The following CCNA2 variants were observed in gnomAD, a reference collection of about 807,000 sequenced individuals.
The protein encoded by CCNA2 is cyclin A2.
In CCNA2, 3 loss-of-function variants were observed where a neutral mutation model predicts 49.4. The observed-to-expected ratio is 0.06, with a 90% CI of 0.03 to 0.16. The LOEUF is 0.16. CCNA2 is among the 10% of genes least tolerant of loss of function. The pLI is 1.00. For synonymous variants in CCNA2, 206 were observed against 197.2 expected, an observed-to-expected ratio of 1.04 and a Z score of -0.37; for missense variants, 372 against 519.7, an observed-to-expected ratio of 0.72 and a Z score of 2.76.
At position 121,817,686 on chromosome 4, in the gene CCNA2, C is replaced by T. The variant is rs758353782; in HGVS notation, c.1251G>A (p.Lys417=). The part of the protein sequence containing the change: ...QSIREKYKNS[K]YHGVSLLNPP... The stretch of plus-strand genomic sequence containing the variant: ...GGTTGAGGAGAGAAACACCATGATA[C>T]CTGTAAGTAGGGAAAAAAAAAGCAT... The change falls in exon 8 of 8, where the codon AAG becomes AAA. Residue 417 remains lysine (K), a splice_region_variant and synonymous_variant. Transcript: ENST00000274026. The T allele has an allele frequency of 6.2e-7, 1 of 1,613,464 alleles. No individual in the cohort carries two copies. The highest frequency in any genetic ancestry group is 1.7e-5 in the Admixed American group (1 of 59,960).
At chr4:121,823,260 A>G (rs1724740491) in intron 1 of CCNA2, among the ~76,000 whole-genome samples, 156 bp downstream of exon 1, 10 of 152,168 alleles carry the variant, frequency 6.6e-5, no homozygotes, top group Admixed American at 6.5e-4. Flanking sequence ...GAGAACTCCT[A>G]CTGTGGCAAA....
In CCNA2 at chr4:121,816,981, T is replaced by C; in HGVS notation, c.*657A>G. The C allele has an allele frequency of 9.9e-7, 1 of 1,005,392 alleles. No individual in the cohort carries two copies. 62.3% of individuals were successfully genotyped at this position (1,005,392 alleles called of 1,614,324 possible). A position where few individuals can be genotyped will look rare whatever the true frequency, so the allele number is the denominator to read the frequency against. ...CTAGCAGGATTTTAAAAATAGTTTT[T>C]TGTTTTTAATGTGCTTTAAAATAAT... On this transcript the variant is annotated 3_prime_UTR_variant, in exon 8 of 8. Transcript: ENST00000274026.
Position 121,817,615 on chromosome 4 carries a change from A to C in CCNA2, c.*23T>G. 1 of 1,613,712 alleles carries C rather than the reference A, an allele frequency of 6.2e-7. No individual in the cohort carries two copies. On this transcript the variant is annotated 3_prime_UTR_variant, in exon 8 of 8. Transcript: ENST00000274026. ...ATACTTTGAGTGATTTACATCTTAG[A>C]AAACAAAGGCAGTCTTTCATTGTTA...
Position 121,820,477 on chromosome 4 carries a change from A to AAAAATC in CCNA2, c.794+59_794+64dup. ...GTGTATGTTAAAAGGTCACCATTAA[A>AAAAATC]AAAATCAATTTCTTCCCTAGACAAA... On this transcript the variant is annotated intron_variant, in intron 4 of 7. Transcript: ENST00000274026. This position sits in a 1 kb window ranked among gnomAD's most constrained non-coding sequence, Gnocchi z 4.1. 8.2e-7 allele frequency: 1 copy of AAAAATC among 1,224,368 alleles called. No individual in the cohort carries two copies. The highest frequency in any genetic ancestry group is 1.2e-6 in the Non-Finnish European group (1 of 856,056). 75.8% of individuals were successfully genotyped at this position (1,224,368 alleles called of 1,614,324 possible).
chr4:121,819,358 GA>G lies in CCNA2; in HGVS notation c.1002+13del. 1 of 1,597,870 alleles carries G rather than the reference GA, an allele frequency of 6.3e-7. No individual in the cohort carries two copies. The highest frequency in any genetic ancestry group is 8.6e-7 in the Non-Finnish European group (1 of 1,165,538). ...CCAAAGAATCACCATTCAACAAAATGAAAGTTAACTCACCATTGCTAAACTT... is the reference window on the plus strand; with the variant it reads ...CCAAAGAATCACCATTCAACAAAATGAAGTTAACTCACCATTGCTAAACTT... On this transcript the variant is annotated intron_variant, in intron 5 of 7. Coordinates refer to ENST00000274026, the MANE Select transcript of CCNA2 (RefSeq NM_001237.5).
intron 1 of CCNA2, 67 bp from the exon 2 acceptor site, chr4:121,822,713 C>A: frequency 2.0e-6 from 3 of 1,515,504 alleles, no homozygotes; most frequent in Non-Finnish European, 2.7e-6. Context: ...TGGGTGTTGG[C>A]CTTTGCTTTT....
chr4:121,820,816 C>A lies in CCNA2; in HGVS notation c.571-51G>T, dbSNP rs1454573653. ...TAAAATTATTCTAGTGTAAAAACTG[C>A]AATTAGATTATTTTACCATTAATTA... On this transcript the variant is annotated intron_variant, in intron 3 of 7. Transcript: ENST00000274026. The surrounding 1 kb of genome is among the most constrained non-coding windows in gnomAD (Gnocchi z 4.1). 2 of 1,355,546 alleles carry A rather than the reference C, an allele frequency of 1.5e-6. No individual in the cohort carries two copies. Among genetic ancestry groups the A allele is most frequent in the Admixed American group, 1.8e-5 (1 of 54,072 alleles). 84.0% of individuals were successfully genotyped at this position (1,355,546 alleles called of 1,614,324 possible). A position where few individuals can be genotyped will look rare whatever the true frequency, so the allele number is the denominator to read the frequency against.
intron 1 of CCNA2, among the ~76,000 whole-genome samples, 171 bp downstream of exon 1, chr4:121,823,245 T>C (rs1460080542): frequency 1.3e-5 from 2 of 152,120 alleles, no homozygotes; most frequent in Non-Finnish European, 2.9e-5. Context: ...CTGATGCTAA[T>C]ATGGGAGAAC....
intron 4 of CCNA2, among the ~76,000 whole-genome samples, chr4:121,819,788 T>C (rs1724640917): frequency 6.6e-6 from 1 of 152,078 alleles, no homozygotes; most frequent in South Asian, 2.1e-4. Context: ...TGAGATATTT[T>C]CCCCAGTTCA....
Position 121,820,869 on chromosome 4 carries a change from T to C in CCNA2, c.571-104A>G, listed in dbSNP as rs2149042760. On this transcript the variant is annotated intron_variant, in intron 3 of 7. Transcript: ENST00000274026. The surrounding 1 kb of genome is among the most constrained non-coding windows in gnomAD (Gnocchi z 4.1). ...AGAGGCTACATGCTATAAACTTAAC[T>C]GTAGCATTAGAATAATTCATTAGTT... 4.0e-6 allele frequency: 5 copies of C among 1,254,654 alleles called. No homozygotes were observed. The East Asian group carries it at 9.4e-5, about 24-fold the overall frequency. The allele number at this position is 1,254,654 out of a possible 1,614,324, so 77.7% of individuals were successfully genotyped here. A position where few individuals can be genotyped will look rare whatever the true frequency, so the allele number is the denominator to read the frequency against.
chr4:121,816,560 T>A lies in CCNA2; in HGVS notation c.*1078A>T. ...ATGACTATAAACAAAAAGACATCCC[T>A]TTTTCATTAGAGATCCATCTGTTCT... On this transcript the variant is annotated 3_prime_UTR_variant, in exon 8 of 8. Transcript: ENST00000274026. 4.8e-6 allele frequency: 4 copies of A among 828,090 alleles called. No individual in the cohort carries two copies. The South Asian group carries it at 8.6e-5, about 18-fold the overall frequency. The allele number at this position is 828,090 out of a possible 1,614,324, so 51.3% of individuals were successfully genotyped here. A position where few individuals can be genotyped will look rare whatever the true frequency, so the allele number is the denominator to read the frequency against.
intron 7 of CCNA2, 32 bp downstream of exon 7, chr4:121,818,012 A>C: frequency 6.3e-7 from 1 of 1,584,912 alleles, no homozygotes; most frequent in Non-Finnish European, 8.6e-7. Flanking sequence ...TAATCTAGAA[A>C]AGTAAGCTTC....
chr4:121,818,558 T>C (rs1227608500), intron 6 of CCNA2, among the ~76,000 whole-genome samples: 1 of 152,176 alleles, frequency 6.6e-6, no homozygotes, highest in Non-Finnish European at 1.5e-5. Flanking sequence ...CACCCTTCCA[T>C]ATATATGGGT....
In CCNA2 at chr4:121,818,161, C is replaced by T. The variant is rs761870224; in HGVS notation, c.1133G>A (p.Arg378Gln). 2.2e-5 allele frequency: 35 copies of T among 1,613,180 alleles called. No individual in the cohort carries two copies. The highest frequency in any genetic ancestry group is 1.3e-4 in the African/African-American group (10 of 74,868). The change falls in exon 7 of 8, where the codon CGA becomes CAA. Residue 378 changes from arginine to glutamine, a missense_variant. Around this residue, in one of 2 missense-constraint regions of CCNA2, gnomAD observed 155 missense variants for 288.1 expected, o/e 0.54. Transcript: ENST00000274026. ...ACTTTCCAGGGTATATCCAGTCTTT[C>T]GTATTAATGATTCAGGCTACAGAGA... ...TGQSWPESLIRKTGYTLESLK... is the reference protein window; with the variant it reads ...TGQSWPESLIQKTGYTLESLK...
At chr4:121,819,050 T>C (rs1039184352) in intron 5 of CCNA2, 137 bp from the exon 6 acceptor site, 1 of 631,738 alleles carries the variant, frequency 1.6e-6, no homozygotes, top group Non-Finnish European at 2.8e-6. Flanking sequence ...CAGCCTCATC[T>C]TTAAACATAT....
Position 121,820,539 on chromosome 4 carries a change from T to C in CCNA2, c.794+3A>G, listed in dbSNP as rs200756267. On this transcript the variant is annotated splice_donor_region_variant and intron_variant, in intron 4 of 7. Coordinates refer to ENST00000274026, the MANE Select transcript of CCNA2 (RefSeq NM_001237.5). This position sits in a 1 kb window ranked among gnomAD's most constrained non-coding sequence, Gnocchi z 4.1. The stretch of plus-strand genomic sequence containing the variant: ...ACTTTTAAACAAACCAAGGTAGACT[T>C]ACGAGGCTAACAGCATAGCAGCAGT... 2.2e-4 allele frequency: 347 copies of C among 1,606,200 alleles called. No homozygotes were observed. Among genetic ancestry groups the C allele is most frequent in the Non-Finnish European group, 2.8e-4 (332 of 1,174,790 alleles).
chr4:121,816,512 TG>T lies in CCNA2; in HGVS notation c.*1125del. ...TCAACACTTATAGAGGTTTGCTCTCTGGTTTTACTCTCATCTTGCCACATGA... is the reference window on the plus strand; with the variant it reads ...TCAACACTTATAGAGGTTTGCTCTCTGTTTTACTCTCATCTTGCCACATGA... On this transcript the variant is annotated 3_prime_UTR_variant, in exon 8 of 8. Transcript: ENST00000274026. The T allele has an allele frequency of 9.2e-7, 1 of 1,084,244 alleles. No homozygotes were observed. The highest frequency in any genetic ancestry group is 1.5e-5 in the South Asian group (1 of 65,124). 67.2% of individuals were successfully genotyped at this position (1,084,244 alleles called of 1,614,324 possible). A position where few individuals can be genotyped will look rare whatever the true frequency, so the allele number is the denominator to read the frequency against.
At position 121,817,501 on chromosome 4, in the gene CCNA2, TAATA is replaced by T. The variant is rs745359003; in HGVS notation, c.*133_*136del. On this transcript the variant is annotated 3_prime_UTR_variant, in exon 8 of 8. Transcript: ENST00000274026. ...ATACAAATTAAAACCATTTAAAAAG[TAATA>T]GATACCATAATTTGTACTTGGCCAC... The T allele has an allele frequency of 1.7e-4, 161 of 963,256 alleles. 1 individual carries two copies. Among genetic ancestry groups the T allele is most frequent in the Non-Finnish European group, 2.4e-4 (157 of 655,296 alleles). 59.7% of individuals were successfully genotyped at this position (963,256 alleles called of 1,614,324 possible). A position where few individuals can be genotyped will look rare whatever the true frequency, so the allele number is the denominator to read the frequency against.
intron 7 of CCNA2, 75 bp from the exon 8 acceptor site, chr4:121,817,761 C>A: frequency 6.3e-7 from 1 of 1,583,048 alleles, no homozygotes; most frequent in Non-Finnish European, 8.6e-7. Context: ...AATGTTTGTA[C>A]TCATGTATTG....
Sources: allele counts gnomAD v4.1 joint callset (sites outside exome capture counted in the v4.1 genomes callset), GRCh38; gene constraint gnomAD v4.1.1; regional missense constraint gnomAD v4.1.1; non-coding constraint Gnocchi (gnomAD v3.1); transcripts MANE v1.5; gene names NCBI Gene and HGNC (gene_info 2026-07-23, HGNC 2026-07-21).